Variants in TRIO observed in about 807,000 individuals in gnomAD.
TRIO encodes the protein trio Rho guanine nucleotide exchange factor.
Under a neutral mutation model 351.9 loss-of-function variants are expected in TRIO, and 58 were observed. The observed-to-expected ratio is 0.16, with a 90% CI of 0.13 to 0.21. The LOEUF is 0.21. Ranked by LOEUF, TRIO falls within the 10% of genes least tolerant of loss-of-function variation. TRIO has a pLI of 1.00. For missense variants in TRIO, 3,201 were observed against 4,027.8 expected (o/e 0.79, Z 5.56); for synonymous variants, 1,758 against 1,595.7 (o/e 1.10, Z -2.42).
intron 21 of TRIO, 51 bp from the exon 22 acceptor site, chr5:14,387,387 C>T (rs1471996566): frequency 6.5e-7 from 1 of 1,542,452 alleles, no homozygotes; most frequent in Non-Finnish European, 8.8e-7. Flanking sequence ...TTTGAGGTTT[C>T]TGGCAGTCGG....
chr5:14,290,401 C>T (rs1210390598), intron 4 of TRIO, among the ~76,000 whole-genome samples: 1 of 152,164 alleles, frequency 6.6e-6, no homozygotes, highest in African/African-American at 2.4e-5. Context: ...TTTAATGTGT[C>T]TGTTATAGTG....
At chr5:14,469,311 T>C (rs1754505741) in intron 37 of TRIO, among the ~76,000 whole-genome samples, 1 of 152,066 alleles carries the variant, frequency 6.6e-6, no homozygotes, top group African/African-American at 2.4e-5. Flanking sequence ...TTCCCAAAAT[T>C]AAGAAATTAT....
At chr5:14,190,864 C>T (rs541198500) in intron 1 of TRIO, among the ~76,000 whole-genome samples, 3 of 152,318 alleles carry the variant, frequency 2.0e-5, no homozygotes, top group East Asian at 3.9e-4. Flanking sequence ...ACACCTGTGG[C>T]TTTTAAAAAG....
rs899936407 is a variant in TRIO at position 14,427,830 on chromosome 5, A to G, written c.5203+7809A>G. 2.0e-5 allele frequency among the ~76,000 whole-genome samples: 3 copies of G among 152,140 alleles called. No individual in the cohort carries two copies. The East Asian group carries it at 5.8e-4, about 29-fold the overall frequency. On this transcript the variant is annotated intron_variant, in intron 34 of 56. Coordinates refer to ENST00000344204, the MANE Select transcript of TRIO (RefSeq NM_007118.4). ...CTCTGACTTGAGTTGGATTCATGCC[A>G]CAGACCCACCTTCTTGAGCAACAAC...
intron 12 of TRIO, among the ~76,000 whole-genome samples, chr5:14,359,119 A>T (rs1579422960): frequency 6.6e-6 from 1 of 152,366 alleles, no homozygotes; most frequent in South Asian, 2.1e-4. Context: ...TAGCCTTCTT[A>T]CCAAGTGATT....
chr5:14,486,843 C>T (rs193014432), intron 47 of TRIO, among the ~76,000 whole-genome samples: 6 of 152,220 alleles, frequency 3.9e-5, no homozygotes, highest in Admixed American at 2.6e-4. Flanking sequence ...CTCACACATG[C>T]CTGGGGCTGG....
intron 1 of TRIO, among the ~76,000 whole-genome samples, chr5:14,161,245 T>C (rs11956492): frequency 1.7e-4 from 26 of 152,184 alleles, no homozygotes; most frequent in African/African-American, 6.3e-4. Context: ...CTGTCCTTTG[T>C]AGCTGGGCAG....
chr5:14,507,182 G>A lies in TRIO; in HGVS notation c.8673G>A (p.Lys2891=), dbSNP rs750957870. The change falls in exon 56 of 57, where the codon AAG becomes AAA. Residue 2891 remains lysine, a synonymous_variant. Transcript: ENST00000344204. ...GATGGGGAAGCCTCACTGAAGGGAA[G>A]ATCAGGGCGCACCTGGGGGAGGTTC... The part of the protein sequence containing the change: ...VVRWGSLTEG[K]IRAHLGEVLE... 1.9e-6 allele frequency: 3 copies of A among 1,612,526 alleles called. No homozygotes were observed. In the South Asian group the frequency reaches 3.3e-5, roughly 18 times the overall value.
chr5:14,428,078 T>C (rs1304864511), intron 34 of TRIO, among the ~76,000 whole-genome samples: 1 of 152,186 alleles, frequency 6.6e-6, no homozygotes, highest in Non-Finnish European at 1.5e-5. Flanking sequence ...ATGTGGTCTT[T>C]CCCGGATCAT....
chr5:14,276,769 T>C (rs1344588247), intron 2 of TRIO, among the ~76,000 whole-genome samples: 1 of 152,246 alleles, frequency 6.6e-6, no homozygotes, highest in African/African-American at 2.4e-5. Flanking sequence ...AAAGGTGAGC[T>C]TCTAATTCAT....
intron 8 of TRIO, among the ~76,000 whole-genome samples, chr5:14,310,748 C>T (rs1038547390): frequency 7.2e-5 from 11 of 152,190 alleles, no homozygotes; most frequent in African/African-American, 2.2e-4. Context: ...TGCAGTGGTG[C>T]GATTTAGGCT....
At chr5:14,208,427 G>A (rs1253242008) in intron 1 of TRIO, among the ~76,000 whole-genome samples, 2 of 152,214 alleles carry the variant, frequency 1.3e-5, no homozygotes, top group Non-Finnish European at 2.9e-5. Flanking sequence ...CATATTGCAT[G>A]ATGCCATTTC....
intron 27 of TRIO, among the ~76,000 whole-genome samples, chr5:14,392,945 G>C (rs1015104068): frequency 6.6e-6 from 1 of 152,044 alleles, no homozygotes; most frequent in African/African-American, 2.4e-5. Context: ...TACTTGGGAG[G>C]CTGAGGCAGG....
chr5:14,448,428 T>TA (rs1482355590), intron 34 of TRIO, among the ~76,000 whole-genome samples: 1 of 152,234 alleles, frequency 6.6e-6, no homozygotes, highest in Non-Finnish European at 1.5e-5. Context: ...ACAGCAGGCC[T>TA]AGACGTGGCC....
intron 1 of TRIO, among the ~76,000 whole-genome samples, chr5:14,218,923 C>A (rs560365390): frequency 1.3e-5 from 2 of 152,340 alleles, no homozygotes; most frequent in East Asian, 3.9e-4. Flanking sequence ...CCGGCAGCAA[C>A]CCTTCTCCGG....
rs1756014782 is a variant in TRIO, at chr5:14,487,485, A to G, written c.6857A>G (p.Tyr2286Cys). 9.2e-7 allele frequency: 1 copy of G among 1,088,446 alleles called. No homozygotes were observed. The highest frequency in any genetic ancestry group is 1.1e-6 in the Non-Finnish European group (1 of 879,410). 67.4% of individuals were successfully genotyped at this position (1,088,446 alleles called of 1,614,324 possible). A position where few individuals can be genotyped will look rare whatever the true frequency, so the allele number is the denominator to read the frequency against. The change falls in exon 48 of 57, where the codon TAC becomes TGC. Residue 2286 changes from tyrosine to cysteine, a missense_variant. Tyr to Cys is a radical substitution (Grantham distance 194). This residue lies in a region of TRIO where 1,089 missense variants were observed against 954.9 expected (regional missense o/e 1.14). Coordinates refer to ENST00000344204, the MANE Select transcript of TRIO (RefSeq NM_007118.4). The part of the protein sequence containing the change: ...FLNALTSPIE[Y>C]QRNHSGGGGG... ...ACAGCCTTGACATCGCCAATCGAGT[A>G]CCAGAGGAACCACAGCGGGGGCGGC...
At chr5:14,414,579 G>C (rs1057378312) in intron 33 of TRIO, among the ~76,000 whole-genome samples, 6 of 152,000 alleles carry the variant, frequency 3.9e-5, no homozygotes, top group Admixed American at 1.3e-4. Context: ...TAAGCTGCTG[G>C]TTTTGAAAAC....
At chr5:14,375,823 G>T (rs545584199) in intron 19 of TRIO, among the ~76,000 whole-genome samples, 5 of 152,320 alleles carry the variant, frequency 3.3e-5, no homozygotes, top group Admixed American at 2.0e-4. Context: ...TCATTTTCAT[G>T]TGCAATATTT....
chr5:14,170,391 C>G (rs1789024809), intron 1 of TRIO, among the ~76,000 whole-genome samples: 1 of 152,054 alleles, frequency 6.6e-6, no homozygotes, highest in African/African-American at 2.4e-5. Context: ...TTGCTTGAAC[C>G]CTCCACCCTT....
Sources: gnomAD v4.1 joint callset for allele counts (sites outside exome capture counted in the v4.1 genomes callset) on GRCh38, gnomAD v4.1.1 for gene constraint, gnomAD v4.1.1 regional missense constraint, MANE v1.5 for transcripts, NCBI Gene and HGNC (gene_info 2026-07-23, HGNC 2026-07-21) for gene names.